The following RBFOX3 variants were observed in gnomAD, a reference collection of about 807,000 sequenced individuals.
The protein encoded by RBFOX3 is RNA binding protein fox-1 homolog 3.
In RBFOX3, 17 loss-of-function variants were observed where a neutral mutation model predicts 48.7. The ratio of observed to expected loss-of-function variants is 0.35; its 90% confidence interval spans 0.24 to 0.52. The LOEUF is 0.52. RBFOX3 is among the 20% of genes least tolerant of loss of function. The pLI is 0.94. For synonymous variants in RBFOX3, 212 were observed against 209.5 expected (o/e 1.01, Z -0.10); for missense variants, 382 against 497.5 (o/e 0.77, Z 2.21).
chr17:79,268,677 G>A (rs1211104270), intron 3 of RBFOX3, among the ~76,000 whole-genome samples: 1 of 152,104 alleles, frequency 6.6e-6, no homozygotes, highest in African/African-American at 2.4e-5. Flanking sequence ...TCCAGCCCCC[G>A]TGTGATGACC....
chr17:79,452,318 G>A (rs142794474), intron 2 of RBFOX3, among the ~76,000 whole-genome samples: 144 of 152,244 alleles, frequency 9.5e-4, no homozygotes, highest in Non-Finnish European at 1.6e-3. Flanking sequence ...CACCACCTCC[G>A]CTGCGGAGGA....
chr17:79,272,391 T>C (rs1313531366), intron 3 of RBFOX3, among the ~76,000 whole-genome samples: 1 of 152,172 alleles, frequency 6.6e-6, no homozygotes. Context: ...AACACACTGG[T>C]GATATTATCA....
intron 2 of RBFOX3, among the ~76,000 whole-genome samples, chr17:79,348,367 C>A (rs969987387): frequency 6.6e-6 from 1 of 152,132 alleles, no homozygotes; most frequent in Non-Finnish European, 1.5e-5. Flanking sequence ...TTCCCCTTCA[C>A]GCTTATTCTC....
chr17:79,231,675 G>GA (rs1289146198), intron 4 of RBFOX3, among the ~76,000 whole-genome samples: 1 of 152,078 alleles, frequency 6.6e-6, no homozygotes, highest in African/African-American at 2.4e-5. Context: ...GAAATTGAAA[G>GA]AAAAATACCA....
At chr17:79,115,422 G>A (rs1568157929) in intron 5 of RBFOX3, 72 bp downstream of exon 5, 1 of 1,015,396 alleles carries the variant, frequency 9.8e-7, no homozygotes. Context: ...GCCCTTCTGG[G>A]CCACCCTTCT....
At chr17:79,504,692 A>G (rs1598970214) in intron 1 of RBFOX3, among the ~76,000 whole-genome samples, 1 of 152,196 alleles carries the variant, frequency 6.6e-6, no homozygotes, top group Non-Finnish European at 1.5e-5. Context: ...ATTGGTGATT[A>G]CATTTAGGGC....
At chr17:79,636,967 G>A in the RBFOX3 span, among the ~76,000 whole-genome samples, 1 of 152,146 alleles carries the variant, frequency 6.6e-6, no homozygotes, top group Non-Finnish European at 1.5e-5. Context: ...GTAAAGCGAT[G>A]GGAAAGGATA....
intron 3 of RBFOX3, among the ~76,000 whole-genome samples, chr17:79,246,867 G>T (rs1424340455): frequency 2.0e-5 from 3 of 152,148 alleles, no homozygotes; most frequent in African/African-American, 7.2e-5. Flanking sequence ...TGGGATGGGG[G>T]TGGGGGGAGA....
At chr17:79,358,714 G>C (rs1390952504) in intron 2 of RBFOX3, among the ~76,000 whole-genome samples, 1 of 152,144 alleles carries the variant, frequency 6.6e-6, no homozygotes, top group Non-Finnish European at 1.5e-5. Context: ...GCCTGTCTTG[G>C]CCTCCCAAAG....
At chr17:79,405,685 C>A (rs1193407017) in intron 2 of RBFOX3, among the ~76,000 whole-genome samples, 2 of 152,302 alleles carry the variant, frequency 1.3e-5, no homozygotes, top group East Asian at 1.9e-4. Context: ...CATACCGCTG[C>A]TCTCCAGCCT....
At chr17:79,422,160 A>C (rs1170124475) in intron 2 of RBFOX3, among the ~76,000 whole-genome samples, 1 of 152,052 alleles carries the variant, frequency 6.6e-6, no homozygotes, top group Non-Finnish European at 1.5e-5. Flanking sequence ...CTCTGATGAT[A>C]GCTGCTCTGG....
intron 3 of RBFOX3, among the ~76,000 whole-genome samples, chr17:79,283,606 A>G (rs888659139): frequency 6.6e-6 from 1 of 152,116 alleles, no homozygotes; most frequent in Non-Finnish European, 1.5e-5. Context: ...TCATGGTGAG[A>G]TTTGTTGTGT....
At chr17:79,095,054 C>T (rs1432729181) in intron 13 of RBFOX3, among the ~76,000 whole-genome samples, 2 of 152,072 alleles carry the variant, frequency 1.3e-5, no homozygotes, top group Non-Finnish European at 2.9e-5. Flanking sequence ...CCCTGTACAC[C>T]ACACTTCAGG....
chr17:79,150,049 G>T, intron 4 of RBFOX3, among the ~76,000 whole-genome samples: 1 of 43,516 alleles, frequency 2.3e-5, no homozygotes. Flanking sequence ...GGTGGGGGAT[G>T]GGGATGGGGG....
intron 3 of RBFOX3, among the ~76,000 whole-genome samples, chr17:79,294,059 G>A (rs1008653370): frequency 1.3e-5 from 2 of 152,186 alleles, no homozygotes; most frequent in Non-Finnish European, 2.9e-5. Flanking sequence ...TACAGAGCAG[G>A]TGCAGATTCA....
intron 2 of RBFOX3, among the ~76,000 whole-genome samples, chr17:79,340,322 A>AAAACC (rs1234763088): frequency 6.9e-6 from 1 of 144,024 alleles, no homozygotes. Flanking sequence ...AAAAACAAAA[A>AAAACC]CAAAACTCTC....
At chr17:79,608,700 G>C (rs1219184464) in intron 1 of RBFOX3, among the ~76,000 whole-genome samples, 2 of 152,158 alleles carry the variant, frequency 1.3e-5, no homozygotes, top group African/African-American at 4.8e-5. Context: ...CCCTCCTGGG[G>C]ACAGCCTTGC....
chr17:79,138,630 CCTCCTCACCCACACA>C (rs2040851387), intron 4 of RBFOX3, among the ~76,000 whole-genome samples: 1 of 142,606 alleles, frequency 7.0e-6, no homozygotes, highest in South Asian at 2.2e-4. Context: ...CGTGTTCACA[CCTCCTCACCCACACA>C]CGCACATACA....
intron 4 of RBFOX3, among the ~76,000 whole-genome samples, chr17:79,143,373 C>CGG (rs915971467): frequency 3.8e-4 from 3 of 7,970 alleles, no homozygotes; most frequent in African/African-American, 9.2e-4. Context: ...GTTGGTGGAG[C>CGG]GGGGGGTGGG....
Sources: allele counts gnomAD v4.1 joint callset (sites outside exome capture counted in the v4.1 genomes callset), GRCh38; gene constraint gnomAD v4.1.1; transcripts MANE v1.5; gene names NCBI Gene and HGNC (gene_info 2026-07-23, HGNC 2026-07-21).